CALN1: variants seen among roughly 807,000 people sequenced by gnomAD.
The protein encoded by CALN1 is calcium-binding protein 8.
In CALN1, 17 loss-of-function variants were observed where a neutral mutation model predicts 30.6. The ratio of observed to expected loss-of-function variants is 0.56; its 90% CI spans 0.38 to 0.83. CALN1 has a LOEUF of 0.83. CALN1 is among the 40% of genes least tolerant of loss of function. CALN1 has a pLI of 0.00. For missense variants in CALN1, 291 were observed against 354.9 expected (o/e 0.82, Z 1.45); for synonymous variants, 156 against 131.4 (o/e 1.19, Z -1.28).
intron 1 of CALN1, among the ~76,000 whole-genome samples, chr7:72,422,032 AC>A (rs1807629367): frequency 6.6e-6 from 1 of 152,116 alleles, no homozygotes; most frequent in South Asian, 2.1e-4. Flanking sequence ...TTGTGGATCG[AC>A]CCGCACTTAG....
chr7:71,839,018 C>T (rs1047156371), intron 5 of CALN1, among the ~76,000 whole-genome samples: 3 of 152,082 alleles, frequency 2.0e-5, no homozygotes, highest in Admixed American at 2.0e-4. Context: ...CCATGTTGCT[C>T]AGGCTGGTCT....
At chr7:72,335,502 T>G (rs994002115) in intron 2 of CALN1, among the ~76,000 whole-genome samples, 1 of 152,172 alleles carries the variant, frequency 6.6e-6, no homozygotes, top group Non-Finnish European at 1.5e-5. Flanking sequence ...CACTCTAGAA[T>G]GTAGTTATTA....
At chr7:71,986,351 C>A (rs1227935273) in intron 5 of CALN1, among the ~76,000 whole-genome samples, 1 of 152,174 alleles carries the variant, frequency 6.6e-6, no homozygotes, top group Non-Finnish European at 1.5e-5. Context: ...CAGGTGTGAG[C>A]CACTGTGCCT....
the CALN1 span, among the ~76,000 whole-genome samples, chr7:72,453,627 T>G: frequency 6.6e-6 from 1 of 152,218 alleles, no homozygotes; most frequent in Admixed American, 6.5e-5. Context: ...TTTTTCAGCT[T>G]TCCAGTTCCT....
intron 3 of CALN1, among the ~76,000 whole-genome samples, chr7:72,115,616 G>A (rs182934902): frequency 9.5e-5 from 14 of 147,526 alleles, no homozygotes; most frequent in Admixed American, 2.8e-4. Context: ...AGTCTCCTAA[G>A]TAGCTGGGAT....
chr7:72,040,960 G>A (rs1293906573), intron 4 of CALN1, among the ~76,000 whole-genome samples: 1 of 152,204 alleles, frequency 6.6e-6, no homozygotes, highest in Non-Finnish European at 1.5e-5. Context: ...AGCACACTGA[G>A]CCATAGAGAA....
At chr7:72,459,469 G>A in the CALN1 span, among the ~76,000 whole-genome samples, 1 of 152,016 alleles carries the variant, frequency 6.6e-6, no homozygotes, top group African/African-American at 2.4e-5. Flanking sequence ...TGCCTGCAGA[G>A]GCAAGCTAAG....
chr7:72,138,976 C>A (rs1043557834), intron 3 of CALN1, among the ~76,000 whole-genome samples: 12 of 152,302 alleles, frequency 7.9e-5, no homozygotes, highest in African/African-American at 2.9e-4. Context: ...GCTTGCAATG[C>A]CATCATCTAG....
At chr7:72,452,878 C>G in the CALN1 span, among the ~76,000 whole-genome samples, 1 of 152,158 alleles carries the variant, frequency 6.6e-6, no homozygotes, top group Non-Finnish European at 1.5e-5. Flanking sequence ...CACAGAGACT[C>G]TGCAATGTGG....
chr7:72,318,528 T>C (rs1562880573), intron 2 of CALN1, among the ~76,000 whole-genome samples: 1 of 152,086 alleles, frequency 6.6e-6, no homozygotes, highest in Non-Finnish European at 1.5e-5. Context: ...ACAGTATAGT[T>C]AGTCCTCCAA....
intron 4 of CALN1, among the ~76,000 whole-genome samples, chr7:72,083,403 A>AC (rs1489378670): frequency 6.6e-6 from 1 of 150,586 alleles, no homozygotes; most frequent in Non-Finnish European, 1.5e-5. Context: ...AAATAGTGAG[A>AC]CCCCCATCTC....
intron 1 of CALN1, among the ~76,000 whole-genome samples, chr7:72,432,946 A>C (rs1279366199): frequency 6.6e-6 from 1 of 152,190 alleles, no homozygotes. Context: ...TCTAGACAGC[A>C]CATCAAGGAG....
intron 3 of CALN1, among the ~76,000 whole-genome samples, chr7:72,188,868 G>A (rs887650612): frequency 2.0e-5 from 3 of 152,114 alleles, no homozygotes; most frequent in Non-Finnish European, 4.4e-5. Flanking sequence ...CCACAGTGAT[G>A]CAGCAAGGCC....
At chr7:72,395,355 G>GCA (rs72331178) in intron 2 of CALN1, among the ~76,000 whole-genome samples, 5,713 of 147,312 alleles carry the variant, frequency 0.039, 119 homozygotes, top group African/African-American at 0.067. Flanking sequence ...CTGCGCACGC[G>GCA]CGCGCACACA....
At chr7:72,444,058 G>A (rs1282114137) in intron 1 of CALN1, among the ~76,000 whole-genome samples, 1 of 151,402 alleles carries the variant, frequency 6.6e-6, no homozygotes, top group Non-Finnish European at 1.5e-5. Context: ...CTCCCCAGTA[G>A]GTACTAAGTG....
chr7:72,207,467 T>TTAG (rs57532477), intron 3 of CALN1, among the ~76,000 whole-genome samples: 4,708 of 151,754 alleles, frequency 0.031, 172 homozygotes, highest in African/African-American at 0.093. Flanking sequence ...GTTTGTTTAT[T>TTAG]TAGTAGTAGT....
chr7:72,397,095 G>A (rs1448466134), intron 2 of CALN1, among the ~76,000 whole-genome samples: 1 of 151,980 alleles, frequency 6.6e-6, no homozygotes, highest in Admixed American at 6.6e-5. Context: ...TAGTTTTGCA[G>A]AGATGGAGTC....
chr7:72,423,565 T>C (rs1807687531), intron 1 of CALN1, among the ~76,000 whole-genome samples: 1 of 152,186 alleles, frequency 6.6e-6, no homozygotes, highest in Non-Finnish European at 1.5e-5. Context: ...ACCTTGCTAC[T>C]TGTAACACAC....
At chr7:72,336,531 G>C (rs1487190183) in intron 2 of CALN1, among the ~76,000 whole-genome samples, 1 of 152,124 alleles carries the variant, frequency 6.6e-6, no homozygotes, top group Non-Finnish European at 1.5e-5. Context: ...GGGTGCCCCA[G>C]TGTCGGAGCC....
Sources: allele counts gnomAD v4.1 joint callset (sites outside exome capture counted in the v4.1 genomes callset), GRCh38; gene constraint gnomAD v4.1.1; transcripts MANE v1.5; gene names NCBI Gene and HGNC (gene_info 2026-07-23, HGNC 2026-07-21).